Variants in OPLAH observed in about 807,000 individuals in gnomAD.
The protein encoded by OPLAH is 5-oxoprolinase, ATP-hydrolysing, also known as 5-oxoprolinase.
OPLAH carries 103 observed loss-of-function variants against 122.8 expected under a neutral mutation model. That is an observed-to-expected ratio of 0.84 (90% CI 0.71 to 0.99). The LOEUF (loss-of-function observed/expected upper bound fraction) is 0.99, where lower values mean the gene tolerates loss of function less well. Among genes scored for constraint, OPLAH ranks in the 50% least tolerant of loss-of-function variants. OPLAH has a pLI of 0.00. For synonymous variants in OPLAH, 875 were observed against 796.0 expected, an observed-to-expected ratio of 1.10 and a Z score of -1.67; for missense variants, 1,902 against 1,836.5, an observed-to-expected ratio of 1.04 and a Z score of -0.65.
Position 144,058,058 on chromosome 8 carries a change from A to T in OPLAH, c.1040T>A (p.Leu347Gln), listed in dbSNP as rs782734312. The T allele has an allele frequency of 1.9e-6, 3 of 1,612,384 alleles. No homozygotes were observed. The African/African-American group carries it at 4.0e-5, about 22-fold the overall frequency. The change falls in exon 8 of 27, where the codon CTG (leucine) becomes CAG (glutamine). Residue 347 changes from leucine to glutamine, a missense_variant. This residue lies in a region of OPLAH where 1,726 missense variants were observed against 1,642.1 expected (regional missense o/e 1.05). Transcript: ENST00000618853. ...TCCCGCTGCCACGGTGTTGATGTCC[A>T]GCTGCGGGGCCTGGAGGGTGACGCC... ...TAGVTLQAPQ[L>Q]DINTVAAGGG...
In OPLAH at chr8:144,053,052, C is replaced by T. The variant is rs1835427032; in HGVS notation, c.2949G>A (p.Glu983=). The change falls in exon 21 of 27, where the codon GAG becomes GAA. Residue 983 remains glutamate (E), a synonymous_variant. Transcript: ENST00000618853. The stretch of plus-strand genomic sequence containing the variant: ...CGTCCATGTGGTCTTCCGAGGACAC[C>T]TCCAGGGGCAGGCCCCGGGCCTGCC... ...TSRQARGLPL[E]VSSEDHMDDG... 13 of 1,602,922 alleles carry T rather than the reference C, an allele frequency of 8.1e-6. No homozygotes were observed. The highest frequency in any genetic ancestry group is 1.1e-5 in the Non-Finnish European group (13 of 1,175,930).
At chr8:144,062,422 T>A (rs1196772217), upstream of OPLAH, among the ~76,000 whole-genome samples, 1 of 152,046 alleles carries the variant, frequency 6.6e-6, no homozygotes, top group Non-Finnish European at 1.5e-5. Context: ...CCCCAGATGA[T>A]CATGCCACGC....
Position 144,051,325 on chromosome 8 carries a change from C to T in OPLAH, c.*1G>A, listed in dbSNP as rs782476715. On this transcript the variant is annotated 3_prime_UTR_variant, in exon 27 of 27. Coordinates refer to ENST00000618853, the MANE Select transcript of OPLAH (RefSeq NM_017570.5). ...CTTAAGGCATCTTTATTGCGGGATCCTCACACGGCCTCCTGGGCCCGGCGA... is the reference window on the plus strand; with the variant it reads ...CTTAAGGCATCTTTATTGCGGGATCTTCACACGGCCTCCTGGGCCCGGCGA... 3.7e-6 allele frequency: 6 copies of T among 1,611,646 alleles called. No homozygotes were observed.
At position 144,057,996 on chromosome 8, in the gene OPLAH, G is replaced by A. The variant is rs782614346; in HGVS notation, c.1088+14C>T. On this transcript the variant is annotated intron_variant, in intron 8 of 26. Transcript: ENST00000618853. Reference sequence around the variant, plus strand: ...CAGGGCTGGGGTCCCAGCCTGGGAAGCAGGAGAGCTGACCTGAAGAAGAGG... The same window carrying A: ...CAGGGCTGGGGTCCCAGCCTGGGAAACAGGAGAGCTGACCTGAAGAAGAGG... The A allele has an allele frequency of 1.2e-6, 2 of 1,612,210 alleles. No individual in the cohort carries two copies. Among genetic ancestry groups the A allele is most frequent in the Non-Finnish European group, 1.7e-6 (2 of 1,179,614 alleles).
In OPLAH at chr8:144,055,025, C is replaced by T; in HGVS notation, c.2409+4G>A. ...ATGGAAGGGTGAGGCGGGGGAAGGG[C>T]CACCTGGAACTGCACCGTCTCCTGC... On this transcript the variant is annotated splice_donor_region_variant and intron_variant, in intron 17 of 26. Transcript: ENST00000618853. This position sits in a 1 kb window ranked among gnomAD's most constrained non-coding sequence, Gnocchi z 6.5. The T allele has an allele frequency of 4.1e-6, 6 of 1,480,178 alleles. No homozygotes were observed. The highest frequency in any genetic ancestry group is 5.4e-6 in the Non-Finnish European group (6 of 1,107,968). 91.7% of individuals were successfully genotyped at this position (1,480,178 alleles called of 1,614,324 possible).
At chr8:144,059,815 G>A (rs1554760452) in intron 2 of OPLAH, 25 bp from the exon 3 acceptor site, 2 of 1,610,576 alleles carry the variant, frequency 1.2e-6, no homozygotes, top group South Asian at 2.2e-5. Flanking sequence ...GTCAGTGTGG[G>A]GCTTCTGGCC....
chr8:144,056,665 T>C lies in OPLAH; in HGVS notation c.1797A>G (p.Thr599=). The C allele has an allele frequency of 6.2e-7, 1 of 1,611,904 alleles. No individual in the cohort carries two copies. The highest frequency in any genetic ancestry group is 1.1e-5 in the South Asian group (1 of 90,990). The change falls in exon 13 of 27, where the codon ACA becomes ACG. Residue 599 remains threonine, a synonymous_variant. Coordinates refer to ENST00000618853, the MANE Select transcript of OPLAH (RefSeq NM_017570.5). ...LMVSAHQHPA[T]ARSPRAGDFG... ...AGTCCCCCGCACGGGGCGAGCGGGC[T>C]GTGGCTGGGTGCTGGTGGGCAGACA...
Position 144,055,096 on chromosome 8 carries a change from C to T in OPLAH, c.2342G>A (p.Gly781Glu). 1 of 1,578,654 alleles carries T rather than the reference C, an allele frequency of 6.3e-7. No individual in the cohort carries two copies. Among genetic ancestry groups the T allele is most frequent in the Non-Finnish European group, 8.6e-7 (1 of 1,163,184 alleles). The change falls in exon 17 of 27, where the codon GGG becomes GAG. Residue 781 changes from glycine to glutamate, a missense_variant. Around this residue, in one of 3 missense-constraint regions of OPLAH, gnomAD observed 1,726 missense variants for 1,642.1 expected, o/e 1.05. Transcript: ENST00000618853. This position sits in a 1 kb window ranked among gnomAD's most constrained non-coding sequence, Gnocchi z 6.5. The stretch of plus-strand genomic sequence containing the variant: ...GATGTGGGGGGCATTGGACACCAGC[C>T]CCCCATCGGGCCCAAAGAGGGCACA... ...FSCALFGPDG[G>E]LVSNAPHIPV...
In OPLAH at chr8:144,058,243, C is replaced by T; in HGVS notation, c.945G>A (p.Met315Ile). ...CCCAGCCCTCGGCCCTCATACCTCC[C>T]ATGTCAAAGCCGATGACAGGCTGGC... The part of the protein sequence containing the change: ...EGGQPVIGFD[M>I]GGTSTDVSRY... The change falls in exon 7 of 27, where the codon ATG becomes ATA. Residue 315 changes from methionine (M) to isoleucine (I), a missense_variant. Coordinates refer to ENST00000618853, the MANE Select transcript of OPLAH (RefSeq NM_017570.5). The T allele has an allele frequency of 6.2e-7, 1 of 1,609,258 alleles. No individual in the cohort carries two copies. Among genetic ancestry groups the T allele is most frequent in the African/African-American group, 1.3e-5 (1 of 74,972 alleles).
At position 144,051,488 on chromosome 8, in the gene OPLAH, GGGGC is replaced by G. The variant is rs781975479; in HGVS notation, c.3721-20_3721-17del. ...AGAACACATCCTGTTGGCGCGGGGG[GGGGC>G]GGGGAGGCGGGCTCAGTGCAGGCGT... On this transcript the variant is annotated splice_polypyrimidine_tract_variant and intron_variant, in intron 26 of 26. Coordinates refer to ENST00000618853, the MANE Select transcript of OPLAH (RefSeq NM_017570.5). 6.0e-5 allele frequency: 87 copies of G among 1,458,478 alleles called. No homozygotes were observed. The African/African-American group carries it at 9.6e-4, about 16-fold the overall frequency. The allele number at this position is 1,458,478 out of a possible 1,614,324, so 90.3% of individuals were successfully genotyped here.
chr8:144,054,840 T>A lies in OPLAH; in HGVS notation c.2483A>T (p.His828Leu). The change falls in exon 18 of 27, where the codon CAC becomes CTC. Residue 828 changes from histidine to leucine, a missense_variant. Physicochemically the swap from His to Leu is moderately conservative, Grantham distance 99. Transcript: ENST00000618853. ...TGTGATAACAGTCAGGTCTGGCAGG[T>A]GGCTGCCCCCGGCACTGGGATGGTT... ...LSNHPSAGGSHLPDLTVITPV... is the reference protein window; with the variant it reads ...LSNHPSAGGSLLPDLTVITPV... 6.2e-7 allele frequency: 1 copy of A among 1,612,028 alleles called. No individual in the cohort carries two copies. Among genetic ancestry groups the A allele is most frequent in the Non-Finnish European group, 8.5e-7 (1 of 1,179,760 alleles).
At position 144,053,497 on chromosome 8, in the gene OPLAH, A is replaced by C. The variant is rs1163585958; in HGVS notation, c.2687-104T>G. 4.3e-6 allele frequency: 5 copies of C among 1,175,500 alleles called. No individual in the cohort carries two copies. The African/African-American group carries it at 7.6e-5, about 18-fold the overall frequency. The allele number at this position is 1,175,500 out of a possible 1,614,324, so 72.8% of individuals were successfully genotyped here. A position where few individuals can be genotyped will look rare whatever the true frequency, so the allele number is the denominator to read the frequency against. On this transcript the variant is annotated intron_variant, in intron 19 of 26. Coordinates refer to ENST00000618853, the MANE Select transcript of OPLAH (RefSeq NM_017570.5). ...GGTCTCTGGCCCCTAGAAAGCACCG[A>C]GGCCTGGCCTGGGACTGCTCAGCAC...
chr8:144,052,458 G>C lies in OPLAH; in HGVS notation c.3294C>G (p.Ala1098=), dbSNP rs1230135110. ...CACCCCGCCCCCGCACCTGGGAGGC[G>C]GCGCAGGCCCCAAAGGCCCCCAGGA... is the stretch of plus-strand genomic sequence containing the variant. ...DVILGAFGAC[A]ASQGCMNNVT... is the part of the protein sequence containing the mutation. The change falls in exon 23 of 27, where the codon GCC becomes GCG. Residue 1098 remains alanine (A), a synonymous_variant. Transcript: ENST00000618853. 3.2e-6 allele frequency: 5 copies of C among 1,538,878 alleles called. No individual in the cohort carries two copies. The highest frequency in any genetic ancestry group is 1.4e-5 in the African/African-American group (1 of 73,122).
At position 144,052,170 on chromosome 8, in the gene OPLAH, G is replaced by T. The variant is rs1835395969; in HGVS notation, c.3460C>A (p.Arg1154=). 3 of 1,566,388 alleles carry T rather than the reference G, an allele frequency of 1.9e-6. No individual in the cohort carries two copies. Among genetic ancestry groups the T allele is most frequent in the Non-Finnish European group, 2.6e-6 (3 of 1,158,852 alleles). ...CCAGCCTCCGCGCACGCCGCTCACC[G>T]GCTCTCCAGGATCTCAGGGTCGGTG... ...RITDPEILES[R]YPVILRRFEL... is the part of the protein sequence containing the mutation. Residue 1154 remains arginine, a splice_region_variant and synonymous_variant, in exon 24 of 27, where the codon CGG becomes AGG. Coordinates refer to ENST00000618853, the MANE Select transcript of OPLAH (RefSeq NM_017570.5).
rs377705135 is a variant in OPLAH at position 144,051,795 on chromosome 8, C to A, written c.3654G>T (p.Leu1218=). The A allele has an allele frequency of 3.8e-6, 6 of 1,597,204 alleles. No individual in the cohort carries two copies. The African/African-American group carries it at 8.3e-5, about 22-fold the overall frequency. The change falls in exon 26 of 27, where the codon CTG becomes CTT. Residue 1218 remains leucine, a synonymous_variant. Transcript: ENST00000618853. ...GGEPGARGLN[L]LIRKNGRTVN... ...CCGTCCGGCCGTTTTTGCGGATCAG[C>A]AGGTTTAGGCCGCGGGCGCCAGGCT... is the stretch of plus-strand genomic sequence containing the variant.
At chr8:144,058,471 C>T in intron 6 of OPLAH, 25 bp downstream of exon 6, 1 of 1,576,000 alleles carries the variant, frequency 6.3e-7, no homozygotes, top group Non-Finnish European at 8.6e-7. Context: ...CAGGAGTGGG[C>T]AGTGGGGGTG....
In OPLAH at chr8:144,057,635, G is replaced by A. The variant is rs369654053; in HGVS notation, c.1235C>T (p.Pro412Leu). 90 of 1,602,532 alleles carry A rather than the reference G, an allele frequency of 5.6e-5. No individual in the cohort carries two copies. Among genetic ancestry groups the A allele is most frequent in the East Asian group, 2.7e-4 (12 of 44,728 alleles). ...AGGGGAAAGTGGTTGGTTCTCTCCC[G>A]GCCCAAAAATGCAGGGGAAGGAGGC... Reference protein sequence around the residue: ...LPASFPCIFGPGENQPLSPEA... With the variant: ...LPASFPCIFGLGENQPLSPEA... The change falls in exon 10 of 27, where the codon CCG becomes CTG. Residue 412 changes from proline (P) to leucine (L), a missense_variant. This residue lies in a region of OPLAH where 1,726 missense variants were observed against 1,642.1 expected (regional missense o/e 1.05). Transcript: ENST00000618853.
intron 3 of OPLAH, among the ~76,000 whole-genome samples, chr8:144,059,360 C>T (rs1554760327): frequency 6.6e-6 from 1 of 152,206 alleles, no homozygotes; most frequent in Admixed American, 6.5e-5. Flanking sequence ...AACAGGGTAG[C>T]TTGGGTGGCC....
At chr8:144,059,535 G>C in intron 3 of OPLAH, 64 bp downstream of exon 3, 1 of 1,504,168 alleles carries the variant, frequency 6.6e-7, no homozygotes, top group Non-Finnish European at 9.0e-7. Flanking sequence ...TCTCCCCACA[G>C]GGTCAAGGCA....
Sources: gnomAD v4.1 joint callset for allele counts (sites outside exome capture counted in the v4.1 genomes callset) on GRCh38, gnomAD v4.1.1 for gene constraint, gnomAD v4.1.1 regional missense constraint, Gnocchi (gnomAD v3.1) non-coding constraint, MANE v1.5 for transcripts, NCBI Gene and HGNC (gene_info 2026-07-23, HGNC 2026-07-21) for gene names.